POLB: variants seen among roughly 807,000 people sequenced by gnomAD.
The protein encoded by POLB is 5'-dRP lyase.
Under a neutral mutation model 52.7 loss-of-function variants are expected in POLB, and 37 were observed. The ratio of observed to expected loss-of-function variants is 0.70; its 90% CI spans 0.54 to 0.92. The LOEUF is 0.92. Among genes scored for constraint, POLB ranks in the 40% least tolerant of loss-of-function variants. The pLI, the probability that POLB is intolerant of heterozygous loss-of-function variation, is 0.00. For synonymous variants in POLB, 138 were observed against 131.3 expected, an observed-to-expected ratio of 1.05 and a Z score of -0.35; for missense variants, 313 against 400.8, an observed-to-expected ratio of 0.78 and a Z score of 1.87.
chr8:42,360,200 G>A (rs530339890), intron 9 of POLB, among the ~76,000 whole-genome samples: 4 of 151,520 alleles, frequency 2.6e-5, no homozygotes, highest in South Asian at 2.1e-4. Flanking sequence ...CAAGTGATCC[G>A]CCCACCTTGG....
At chr8:42,356,989 C>A (rs1156746936) in intron 7 of POLB, among the ~76,000 whole-genome samples, 180 bp from the exon 8 acceptor site, 1 of 152,018 alleles carries the variant, frequency 6.6e-6, no homozygotes, top group African/African-American at 2.4e-5. Flanking sequence ...TAGGAATAAA[C>A]CTCCCCCCAT....
chr8:42,352,838 T>A lies in POLB; in HGVS notation c.370+270T>A, dbSNP rs138734382. On this transcript the variant is annotated intron_variant, in intron 6 of 13. Transcript: ENST00000265421. ...CCTCATGCCTGTAGTCCCAGCACTT[T>A]GGGAGGCGGGTGGATCACTTGAGGT... 3.9e-5 allele frequency among the ~76,000 whole-genome samples: 6 copies of A among 152,112 alleles called. No homozygotes were observed. The East Asian group carries it at 1.2e-3, about 29-fold the overall frequency.
At chr8:42,339,690 C>G (rs1291436969) in intron 2 of POLB, 1 of 152,116 alleles carries the variant, frequency 6.6e-6, no homozygotes, top group East Asian at 1.9e-4. Context: ...GGGACTACTA[C>G]AGGCGCACGC....
At chr8:42,362,778 GGT>G in intron 11 of POLB, 80 bp downstream of exon 11, 1 of 737,668 alleles carries the variant, frequency 1.4e-6, no homozygotes, top group Non-Finnish European at 2.4e-6. Flanking sequence ...GTGACTTCAT[GGT>G]AGCTTTGAAT....
At chr8:42,355,470 A>G (rs1191684165) in intron 6 of POLB, 46 bp from the exon 7 acceptor site, 1 of 1,104,380 alleles carries the variant, frequency 9.1e-7, no homozygotes, top group African/African-American at 1.6e-5. Context: ...TTTCCCCCCA[A>G]AAAGCATTTA....
intron 2 of POLB, chr8:42,342,487 C>T (rs886160339): frequency 6.7e-6 from 7 of 1,045,508 alleles, no homozygotes; most frequent in Admixed American, 1.7e-5. Context: ...AACTATCATC[C>T]TCTATTTGGG....
intron 2 of POLB, chr8:42,342,126 G>C: frequency 7.4e-7 from 1 of 1,347,402 alleles, no homozygotes; most frequent in Non-Finnish European, 1.1e-6. Context: ...TTGGTACTTT[G>C]AGGGATAGAC....
At chr8:42,347,952 C>T (rs1822737765) in intron 3 of POLB, among the ~76,000 whole-genome samples, 1 of 151,978 alleles carries the variant, frequency 6.6e-6, no homozygotes, top group Non-Finnish European at 1.5e-5. Context: ...GGACATTTTT[C>T]AATACACATG....
intron 3 of POLB, among the ~76,000 whole-genome samples, chr8:42,345,501 G>A (rs561082034): frequency 4.3e-4 from 65 of 152,310 alleles, no homozygotes; most frequent in African/African-American, 1.6e-3. Context: ...TTTCCACGAA[G>A]CCTTGTGTAC....
At chr8:42,344,868 T>C (rs1822510598) in intron 2 of POLB, 85 bp from the exon 3 acceptor site, 1 of 809,098 alleles carries the variant, frequency 1.2e-6, no homozygotes, top group Non-Finnish European at 2.1e-6. Context: ...AGCATAGATA[T>C]TTGCTTGTAT....
At chr8:42,346,709 A>G (rs186707542) in intron 3 of POLB, among the ~76,000 whole-genome samples, 1 of 152,196 alleles carries the variant, frequency 6.6e-6, no homozygotes, top group African/African-American at 2.4e-5. Context: ...CTGCCGTTAT[A>G]TTTTTGCCCT....
chr8:42,358,919 G>C (rs1382812342), intron 9 of POLB, among the ~76,000 whole-genome samples: 1 of 152,128 alleles, frequency 6.6e-6, no homozygotes, highest in Non-Finnish European at 1.5e-5. Context: ...CTGCAAATAA[G>C]AATCTCCTTA....
Position 42,338,763 on chromosome 8 carries a change from G to T in POLB, c.61+78G>T, listed in dbSNP as rs896882935. 9.4e-6 allele frequency: 13 copies of T among 1,382,496 alleles called. No individual in the cohort carries two copies. The Admixed American group carries it at 1.2e-4, about 13-fold the overall frequency. 85.6% of individuals were successfully genotyped at this position (1,382,496 alleles called of 1,614,324 possible). On this transcript the variant is annotated intron_variant, in intron 1 of 13. Coordinates refer to ENST00000265421, the MANE Select transcript of POLB (RefSeq NM_002690.3). ...CCCTGCCTTCCTTCTCTCCCACACCGACAGTCCAGTGGGTAGGGTAGGTTC... is the reference window on the plus strand; with the variant it reads ...CCCTGCCTTCCTTCTCTCCCACACCTACAGTCCAGTGGGTAGGGTAGGTTC...
rs770145087 is a variant in POLB, at chr8:42,371,545, T to TC, written c.914-18_914-17insC. 3 of 1,497,930 alleles carry TC rather than the reference T, an allele frequency of 2.0e-6. No individual in the cohort carries two copies. In the African/African-American group the frequency reaches 4.1e-5, roughly 21 times the overall value. 92.8% of individuals were successfully genotyped at this position (1,497,930 alleles called of 1,614,324 possible). On this transcript the variant is annotated splice_polypyrimidine_tract_variant and intron_variant, in intron 13 of 13. Coordinates refer to ENST00000265421, the MANE Select transcript of POLB (RefSeq NM_002690.3). ...TAAAACTGGTTCTTACAATAAGTTT[T>TC]TCTCTCTGTACTTGCAGGAGTTGCA...
chr8:42,367,464 A>G (rs1170861629), intron 11 of POLB, among the ~76,000 whole-genome samples: 1 of 152,202 alleles, frequency 6.6e-6, no homozygotes, highest in African/African-American at 2.4e-5. Flanking sequence ...CACCAAGCCT[A>G]TGGGAATGAG....
Position 42,352,581 on chromosome 8 carries a change from G to C in POLB, c.370+13G>C. On this transcript the variant is annotated intron_variant, in intron 6 of 13. Transcript: ENST00000265421. The stretch of plus-strand genomic sequence containing the variant: ...AAAACACTAGAAGGTGAGTATGACT[G>C]TAGGTCACTAATTCCAGATTAAATA... 1 of 1,508,996 alleles carries C rather than the reference G, an allele frequency of 6.6e-7. No homozygotes were observed. The highest frequency in any genetic ancestry group is 9.2e-7 in the Non-Finnish European group (1 of 1,084,308). 93.5% of individuals were successfully genotyped at this position (1,508,996 alleles called of 1,614,324 possible). A position where few individuals can be genotyped will look rare whatever the true frequency, so the allele number is the denominator to read the frequency against.
chr8:42,350,962 T>C (rs574233440), intron 5 of POLB, among the ~76,000 whole-genome samples: 1 of 152,210 alleles, frequency 6.6e-6, no homozygotes, highest in East Asian at 1.9e-4. Context: ...CCTTGAACTC[T>C]TGGGGTAAAG....
intron 5 of POLB, among the ~76,000 whole-genome samples, chr8:42,351,874 C>T (rs1033509625): frequency 3.9e-5 from 6 of 152,176 alleles, no homozygotes; most frequent in African/African-American, 9.7e-5. Flanking sequence ...CACCTCATAC[C>T]GTCACTTACA....
chr8:42,357,084 G>A, intron 7 of POLB, 85 bp from the exon 8 acceptor site: 7 of 747,812 alleles, frequency 9.4e-6, no homozygotes, highest in Admixed American at 2.2e-5. Flanking sequence ...GGTATGGCAC[G>A]GACAATTGTT....
Sources: gnomAD v4.1 joint callset for allele counts (sites outside exome capture counted in the v4.1 genomes callset) on GRCh38, gnomAD v4.1.1 for gene constraint, MANE v1.5 for transcripts, NCBI Gene and HGNC (gene_info 2026-07-23, HGNC 2026-07-21) for gene names.